The following SELENON variants were observed in gnomAD, a reference collection of about 807,000 sequenced individuals.
SELENON encodes selenoprotein N, 1.
SELENON carries 44 observed loss-of-function variants against 59.5 expected under a neutral mutation model. The ratio of observed to expected loss-of-function variants is 0.74; its 90% confidence interval spans 0.58 to 0.95. The LOEUF (loss-of-function observed/expected upper bound fraction) is 0.95, where lower values mean the gene tolerates loss of function less well. Among genes scored for constraint, SELENON ranks in the 40% least tolerant of loss-of-function variants. The pLI, the probability that SELENON is intolerant of heterozygous loss-of-function variation, is 0.00. For synonymous variants in SELENON, 320 were observed against 305.6 expected, an observed-to-expected ratio of 1.05 and a Z score of -0.49; for missense variants, 674 against 721.4, an observed-to-expected ratio of 0.93 and a Z score of 0.75.
In SELENON at chr1:25,802,044, G is replaced by A. The variant is rs1196924382; in HGVS notation, c.330G>A (p.Val110=). The A allele has an allele frequency of 1.0e-5, 3 of 286,514 alleles. No individual in the cohort carries two copies. Among genetic ancestry groups the A allele is most frequent in the Non-Finnish European group, 2.2e-5 (3 of 139,524 alleles). 17.7% of individuals were successfully genotyped at this position (286,514 alleles called of 1,614,324 possible). A position where few individuals can be genotyped will look rare whatever the true frequency, so the allele number is the denominator to read the frequency against. Reference sequence around the variant, plus strand: ...CTTGTTCTGTCACCCAGACTGGAGTGCAGTGGTGCAGTCACAGCTCACTGC... The same window carrying A: ...CTTGTTCTGTCACCCAGACTGGAGTACAGTGGTGCAGTCACAGCTCACTGC... Residue 110 remains valine, a synonymous_variant, in exon 3 of 13, where the codon GTG becomes GTA. Coordinates refer to ENST00000361547, the MANE Select transcript of SELENON (RefSeq NM_020451.3).
chr1:25,815,664 C>T lies in SELENON; in HGVS notation c.1719C>T (p.Tyr573=), dbSNP rs1346132275. 1 of 1,614,108 alleles carries T rather than the reference C, an allele frequency of 6.2e-7. No homozygotes were observed. The highest frequency in any genetic ancestry group is 8.5e-7 in the Non-Finnish European group (1 of 1,180,042). The change falls in exon 13 of 13, where the codon TAC becomes TAT. Residue 573 remains tyrosine, a synonymous_variant. Transcript: ENST00000361547. ...TTGAAGACCCGTCCACGGCCACCTA[C>T]ATGCAGTTCCTGAAGGAGGGACTCC...
intron 6 of SELENON, 108 bp from the exon 6 acceptor site, chr1:25,809,575 C>T (rs1398222616): frequency 5.9e-6 from 9 of 1,521,468 alleles, no homozygotes; most frequent in Non-Finnish European, 8.1e-6. Context: ...GCCCATCCAC[C>T]TCCACCCCCA....
Position 25,809,129 on chromosome 1 carries a change from T to G in SELENON, c.851T>G (p.Phe284Cys). ...GCCTGCCTGACTGCCATCAGCGACT[T>G]CTACTACACTGTGATGTTCCGGTGA... The change falls in exon 6 of 13, where the codon TTC becomes TGC. Residue 284 changes from phenylalanine to cysteine, a missense_variant. Transcript: ENST00000361547. 1 of 1,613,770 alleles carries G rather than the reference T, an allele frequency of 6.2e-7. No individual in the cohort carries two copies. The highest frequency in any genetic ancestry group is 8.5e-7 in the Non-Finnish European group (1 of 1,180,014).
intron 10 of SELENON, chr1:25,813,568 G>A: frequency 2.3e-6 from 1 of 439,202 alleles, no homozygotes; most frequent in Non-Finnish European, 4.4e-6. Flanking sequence ...CGGATGGAGT[G>A]TTCCAGGTAG....
chr1:25,801,321 G>T (rs1459002928), intron 2 of SELENON, among the ~76,000 whole-genome samples, 161 bp downstream of exon 2: 2 of 152,184 alleles, frequency 1.3e-5, no homozygotes, highest in East Asian at 3.8e-4. Context: ...TGGGCGAGCT[G>T]CTCCAGCAAC....
In SELENON at chr1:25,809,015, G is replaced by A. The variant is rs763173485; in HGVS notation, c.748-11G>A. On this transcript the variant is annotated splice_polypyrimidine_tract_variant and intron_variant, in intron 5 of 12. Coordinates refer to ENST00000361547, the MANE Select transcript of SELENON (RefSeq NM_020451.3). Reference sequence around the variant, plus strand: ...CCCAGCAAGCCAGTACGTGCCTCCCGCCGCCCCCAGGTCATCATCCACCGG... The same window carrying A: ...CCCAGCAAGCCAGTACGTGCCTCCCACCGCCCCCAGGTCATCATCCACCGG... 3.8e-5 allele frequency: 61 copies of A among 1,613,300 alleles called. No individual in the cohort carries two copies. The East Asian group carries it at 6.5e-4, about 17-fold the overall frequency.
In SELENON at chr1:25,811,692, T is replaced by G. The variant is rs973033318; in HGVS notation, c.1094T>G (p.Met365Arg). ...CCCTACCACTGACCTCTGGCCCAGA[T>G]GGAGCTGGAGGCCACGGGCCCCTCT... Residue 365 changes from methionine (M) to arginine (R), a missense_variant and splice_region_variant, in exon 9 of 13, where the codon ATG becomes AGG. Met to Arg is a moderately conservative substitution (Grantham distance 91). Coordinates refer to ENST00000361547, the MANE Select transcript of SELENON (RefSeq NM_020451.3). 4.3e-6 allele frequency: 7 copies of G among 1,610,762 alleles called. No homozygotes were observed. The South Asian group carries it at 7.7e-5, about 18-fold the overall frequency.
chr1:25,801,068 C>T lies in SELENON; in HGVS notation c.209C>T (p.Thr70Ile). Residue 70 changes from threonine (T) to isoleucine (I), a missense_variant, in exon 2 of 13, where the codon ACA (threonine) becomes ATA (isoleucine). Transcript: ENST00000361547. ...GAACTGGCGCTGAAGACCCTGGGGA[C>T]AGATGGCCTTTTTCTCTTTTCCTCC... 1.9e-6 allele frequency: 3 copies of T among 1,614,160 alleles called. No homozygotes were observed. The highest frequency in any genetic ancestry group is 2.5e-6 in the Non-Finnish European group (3 of 1,180,004).
intron 9 of SELENON, among the ~76,000 whole-genome samples, chr1:25,812,305 C>T (rs1290536883): frequency 6.6e-6 from 1 of 151,826 alleles, no homozygotes; most frequent in African/African-American, 2.4e-5. Context: ...TATGATTGCG[C>T]CACTGCACTC....
chr1:25,812,906 C>G, intron 10 of SELENON, 114 bp downstream of exon 9: 1 of 767,168 alleles, frequency 1.3e-6, no homozygotes, highest in African/African-American at 1.7e-5. Flanking sequence ...GCCTCAGGGA[C>G]TGCCCATGGT....
chr1:25,811,014 T>C (rs2047954620), intron 7 of SELENON, among the ~76,000 whole-genome samples: 1 of 152,198 alleles, frequency 6.6e-6, no homozygotes, highest in African/African-American at 2.4e-5. Flanking sequence ...GTGCTGGGGC[T>C]CCCTCGTGCG....
chr1:25,815,779 C>A lies in SELENON; in HGVS notation c.*61C>A. 6.3e-7 allele frequency: 1 copy of A among 1,576,694 alleles called. No individual in the cohort carries two copies. Among genetic ancestry groups the A allele is most frequent in the Non-Finnish European group, 8.7e-7 (1 of 1,153,864 alleles). On this transcript the variant is annotated 3_prime_UTR_variant, in exon 13 of 13. Transcript: ENST00000361547. ...GCCTCAGAGCCAGAGTGGTCCTCAGCCCATTTCAGACTGCAGATGCCGCCC... is the reference window on the plus strand; with the variant it reads ...GCCTCAGAGCCAGAGTGGTCCTCAGACCATTTCAGACTGCAGATGCCGCCC...
At chr1:25,812,845 G>C in intron 10 of SELENON, 53 bp downstream of exon 9, 5 of 1,391,038 alleles carry the variant, frequency 3.6e-6, no homozygotes, top group Non-Finnish European at 5.0e-6. Flanking sequence ...CACACCTTGT[G>C]GGGTACCAGA....
chr1:25,814,883 G>A (rs1432124611), intron 12 of SELENON, among the ~76,000 whole-genome samples: 2 of 152,110 alleles, frequency 1.3e-5, no homozygotes, highest in African/African-American at 4.8e-5. Context: ...AGCAGTTCAG[G>A]AGCAGGGGCT....
chr1:25,805,480 C>T lies in SELENON; in HGVS notation c.537+205C>T, dbSNP rs145442409. On this transcript the variant is annotated intron_variant, in intron 4 of 12. Coordinates refer to ENST00000361547, the MANE Select transcript of SELENON (RefSeq NM_020451.3). ...GAGAAGCATTAGCTTCTGCCCCAGA[C>T]TGGGGAATCTGGGATAGCTTCCTAG... Among the ~76,000 whole-genome samples the T allele has an allele frequency of 0.011, 1,694 of 152,192 alleles. 32 individuals carry two copies. Among genetic ancestry groups the T allele is most frequent in the African/African-American group, 0.039 (1,628 of 41,506 alleles).
chr1:25,805,337 C>G, intron 4 of SELENON, 62 bp downstream of exon 3: 19 of 1,608,030 alleles, frequency 1.2e-5, no homozygotes, highest in Non-Finnish European at 1.6e-5. Context: ...AGTTTCTGCT[C>G]CATTCATCCA....
intron 8 of SELENON, 67 bp from the exon 8 acceptor site, chr1:25,811,624 C>G: frequency 6.2e-7 from 1 of 1,606,132 alleles, no homozygotes; most frequent in Non-Finnish European, 8.5e-7. Flanking sequence ...TGGAGGGTCT[C>G]TAGGGGAGCC....
rs376821274 is a variant in SELENON, at chr1:25,814,196, G to A, written c.1602+18G>A. 5 of 1,607,082 alleles carry A rather than the reference G, an allele frequency of 3.1e-6. No homozygotes were observed. The highest frequency in any genetic ancestry group is 1.3e-5 in the African/African-American group (1 of 74,780). On this transcript the variant is annotated intron_variant, in intron 12 of 12. Transcript: ENST00000361547. Reference sequence around the variant, plus strand: ...GCACCGTGGTAGGCACCCCCACTCAGACCCCACAGGGCCCAGGCACCTCGG... The same window carrying A: ...GCACCGTGGTAGGCACCCCCACTCAAACCCCACAGGGCCCAGGCACCTCGG...
chr1:25,810,338 G>A (rs1173935179), intron 7 of SELENON, among the ~76,000 whole-genome samples: 3 of 152,346 alleles, frequency 2.0e-5, no homozygotes, highest in South Asian at 2.1e-4. Context: ...CTTCCGGGAC[G>A]GTGCTACACC....
Sources: gnomAD v4.1 joint callset for allele counts (sites outside exome capture counted in the v4.1 genomes callset) on GRCh38, gnomAD v4.1.1 for gene constraint, MANE v1.5 for transcripts, NCBI Gene and HGNC (gene_info 2026-07-23, HGNC 2026-07-21) for gene names.